The following GABRB1 variants were observed in gnomAD, a reference collection of about 807,000 sequenced individuals.
GABRB1 encodes gamma-aminobutyric acid type A receptor subunit beta1.
GABRB1 carries 17 observed loss-of-function variants against 51.6 expected under a neutral mutation model. The ratio of observed to expected loss-of-function variants is 0.33; its 90% CI spans 0.23 to 0.49. The LOEUF is 0.49. Among genes scored for constraint, GABRB1 ranks in the 20% least tolerant of loss-of-function variants. The probability of loss-of-function intolerance (pLI) is 0.99; values close to 1 mark genes in which losing one functional copy is unlikely to be tolerated. For synonymous variants in GABRB1, 247 were observed against 218.9 expected (o/e 1.13, Z -1.14); for missense variants, 410 against 600.6 (o/e 0.68, Z 3.32).
At chr4:47,084,693 T>C (rs190747084) in intron 3 of GABRB1, among the ~76,000 whole-genome samples, 1 of 152,312 alleles carries the variant, frequency 6.6e-6, no homozygotes, top group Admixed American at 6.5e-5. Context: ...CAGGTTGTAT[T>C]TGTAAGTCAT....
intron 5 of GABRB1, among the ~76,000 whole-genome samples, chr4:47,402,285 G>A (rs1728422093): frequency 6.6e-6 from 1 of 152,142 alleles, no homozygotes. Flanking sequence ...AAGTAGATCA[G>A]CATGGTGTCC....
chr4:47,142,976 A>C (rs1432080769), intron 3 of GABRB1, among the ~76,000 whole-genome samples: 1 of 151,884 alleles, frequency 6.6e-6, no homozygotes, highest in Non-Finnish European at 1.5e-5. Flanking sequence ...CCTAGTCCTC[A>C]TGAAAAGGAT....
intron 4 of GABRB1, among the ~76,000 whole-genome samples, chr4:47,295,478 C>T (rs1021557344): frequency 7.9e-5 from 12 of 151,744 alleles, no homozygotes; most frequent in Non-Finnish European, 1.3e-4. Flanking sequence ...CCTCAGGAGC[C>T]GATGTGATCA....
At chr4:47,062,813 A>C (rs1034093040) in intron 3 of GABRB1, among the ~76,000 whole-genome samples, 1 of 152,002 alleles carries the variant, frequency 6.6e-6, no homozygotes, top group Non-Finnish European at 1.5e-5. Context: ...CTCACCTCTC[A>C]CTTCCAATTC....
intron 1 of GABRB1, among the ~76,000 whole-genome samples, chr4:47,001,414 T>C (rs1468621135): frequency 6.6e-6 from 1 of 152,212 alleles, no homozygotes; most frequent in Admixed American, 6.5e-5. Context: ...AGTGCTGGAA[T>C]TACAGGTGTG....
chr4:47,320,251 C>T, intron 5 of GABRB1, 42 bp downstream of exon 5: 2 of 1,265,600 alleles, frequency 1.6e-6, no homozygotes, highest in East Asian at 4.6e-5. Context: ...GGGATTCTTC[C>T]TTGACCCAGT....
chr4:47,213,908 G>A (rs1358999615), intron 4 of GABRB1, among the ~76,000 whole-genome samples: 3 of 151,490 alleles, frequency 2.0e-5, no homozygotes, highest in Non-Finnish European at 4.4e-5. Flanking sequence ...TAGGGTAGAT[G>A]TTGGCATATC....
chr4:47,392,117 G>T (rs1728019380), intron 5 of GABRB1, among the ~76,000 whole-genome samples: 2 of 151,836 alleles, frequency 1.3e-5, no homozygotes, highest in African/African-American at 4.8e-5. Context: ...AAAGGAGAAG[G>T]AGAAGAGTGC....
At chr4:47,049,615 A>G (rs1423355407) in intron 3 of GABRB1, among the ~76,000 whole-genome samples, 1 of 152,174 alleles carries the variant, frequency 6.6e-6, no homozygotes, top group Non-Finnish European at 1.5e-5. Context: ...CATAGCTTAC[A>G]GGAGGTATTT....
chr4:47,243,795 G>T (rs1276312792), intron 4 of GABRB1, among the ~76,000 whole-genome samples: 1 of 152,152 alleles, frequency 6.6e-6, no homozygotes, highest in Non-Finnish European at 1.5e-5. Context: ...TGAGACAATG[G>T]GGTTTTCTAA....
intron 4 of GABRB1, among the ~76,000 whole-genome samples, chr4:47,183,949 A>AT (rs1719062392): frequency 6.6e-6 from 1 of 151,924 alleles, no homozygotes. Context: ...TTAGTCTCCC[A>AT]TAAGCCCTCA....
intron 5 of GABRB1, among the ~76,000 whole-genome samples, chr4:47,347,972 A>C (rs1039414586): frequency 6.6e-6 from 1 of 152,226 alleles, no homozygotes; most frequent in Non-Finnish European, 1.5e-5. Context: ...TCTAACATAA[A>C]AATCATTGTT....
chr4:47,198,260 A>T (rs1252715750), intron 4 of GABRB1, among the ~76,000 whole-genome samples: 1 of 152,198 alleles, frequency 6.6e-6, no homozygotes, highest in Non-Finnish European at 1.5e-5. Context: ...GGGACTGAGG[A>T]TCTGGAGACA....
At chr4:47,273,496 C>T (rs960237033) in intron 4 of GABRB1, among the ~76,000 whole-genome samples, 5 of 152,094 alleles carry the variant, frequency 3.3e-5, no homozygotes, top group Non-Finnish European at 7.4e-5. Flanking sequence ...CAAGGCGGTG[C>T]TTCTGGGAGA....
intron 4 of GABRB1, among the ~76,000 whole-genome samples, chr4:47,296,535 G>A (rs1724000293): frequency 1.3e-5 from 2 of 152,096 alleles, no homozygotes; most frequent in Non-Finnish European, 2.9e-5. Context: ...ATGGTAAAGG[G>A]ATCAATTCAA....
chr4:47,131,933 G>A (rs1031114615), intron 3 of GABRB1, among the ~76,000 whole-genome samples: 8 of 152,022 alleles, frequency 5.3e-5, no homozygotes, highest in African/African-American at 1.4e-4. Flanking sequence ...TGATATTAAT[G>A]TATTTTTTCC....
At chr4:47,269,486 T>C (rs781392407) in intron 4 of GABRB1, among the ~76,000 whole-genome samples, 30 of 152,116 alleles carry the variant, frequency 2.0e-4, no homozygotes, top group Non-Finnish European at 3.2e-4. Context: ...CATCCAGTGA[T>C]AGATGGCTCC....
At chr4:47,209,885 CTAT>C (rs939141180) in intron 4 of GABRB1, among the ~76,000 whole-genome samples, 2 of 151,674 alleles carry the variant, frequency 1.3e-5, no homozygotes, top group African/African-American at 4.8e-5. Context: ...TATGTTTTCC[CTAT>C]ACCCTTTGTA....
At chr4:47,116,224 G>GT (rs748067784) in intron 3 of GABRB1, among the ~76,000 whole-genome samples, 30 of 151,000 alleles carry the variant, frequency 2.0e-4, no homozygotes, top group East Asian at 5.8e-4. Flanking sequence ...TTTGATTTGT[G>GT]TTTTTTTTTC....
Sources: gnomAD v4.1 joint callset for allele counts (sites outside exome capture counted in the v4.1 genomes callset) on GRCh38, gnomAD v4.1.1 for gene constraint, MANE v1.5 for transcripts, NCBI Gene and HGNC (gene_info 2026-07-23, HGNC 2026-07-21) for gene names.